LRRC49: variants seen among roughly 807,000 people sequenced by gnomAD.
LRRC49 encodes the protein leucine-rich repeat-containing protein 49.
Under a neutral mutation model 83.3 loss-of-function variants are expected in LRRC49, and 50 were observed. The observed-to-expected ratio is 0.60, with a 90% CI of 0.48 to 0.76. The LOEUF (loss-of-function observed/expected upper bound fraction) is 0.76, where lower values mean the gene tolerates loss of function less well. LRRC49 is among the 30% of genes least tolerant of loss of function. LRRC49 has a pLI of 0.00. For synonymous variants in LRRC49, 286 were observed against 283.3 expected, an observed-to-expected ratio of 1.01 and a Z score of -0.10; for missense variants, 704 against 809.1, an observed-to-expected ratio of 0.87 and a Z score of 1.58.
intron 1 of LRRC49, among the ~76,000 whole-genome samples, chr15:70,871,384 T>C (rs1382714862): frequency 6.6e-6 from 1 of 152,214 alleles, no homozygotes; most frequent in African/African-American, 2.4e-5. Flanking sequence ...ATCTGATCTC[T>C]CTTTCCTTTC....
intron 8 of LRRC49, among the ~76,000 whole-genome samples, chr15:70,962,465 C>T (rs1270471551): frequency 6.6e-6 from 1 of 152,074 alleles, no homozygotes; most frequent in African/African-American, 2.4e-5. Context: ...CACTTAGCCC[C>T]CAGATCTTTG....
At chr15:70,932,726 C>CTTTTTTTTTTTTTTTT in intron 7 of LRRC49, among the ~76,000 whole-genome samples, 1 of 97,202 alleles carries the variant, frequency 1.0e-5, no homozygotes, top group Non-Finnish European at 2.1e-5. Flanking sequence ...CTTTCTCTGT[C>CTTTTTTTTTTTTTTTT]TTTTTTTTTT....
chr15:70,879,616 T>A (rs945814562), intron 2 of LRRC49, among the ~76,000 whole-genome samples: 12 of 152,182 alleles, frequency 7.9e-5, no homozygotes, highest in Non-Finnish European at 2.9e-5. Flanking sequence ...TCATGATTAG[T>A]CAGAGATTTG....
intron 11 of LRRC49, among the ~76,000 whole-genome samples, chr15:70,992,983 A>C (rs2037942334): frequency 6.6e-6 from 1 of 152,206 alleles, no homozygotes; most frequent in Non-Finnish European, 1.5e-5. Context: ...GCAGAGGTGG[A>C]GTCTACAGAG....
intron 11 of LRRC49, among the ~76,000 whole-genome samples, chr15:71,003,179 C>A (rs2038328825): frequency 6.6e-6 from 1 of 151,992 alleles, no homozygotes; most frequent in African/African-American, 2.4e-5. Flanking sequence ...TTGTGATCCA[C>A]CCACCTCGGC....
intron 7 of LRRC49, among the ~76,000 whole-genome samples, chr15:70,923,525 G>A (rs770102456): frequency 2.1e-4 from 32 of 151,850 alleles, no homozygotes; most frequent in Non-Finnish European, 3.7e-4. Flanking sequence ...GCCAGGCATT[G>A]TTCTAGGTAG....
rs1424340546 is a variant in LRRC49 at position 71,026,857 on chromosome 15, G to A, written c.1704-10322G>A. Among the ~76,000 whole-genome samples, 9 of 151,928 alleles carry A rather than the reference G, an allele frequency of 5.9e-5. No individual in the cohort carries two copies. In the East Asian group the frequency reaches 1.7e-3, roughly 29 times the overall value. On this transcript the variant is annotated intron_variant, in intron 14 of 15. Transcript: ENST00000260382. ...CTGGATATTAGACCTTTGTCAGATGGGTCGCTTGCAAAAATTTTCTCCCAT... is the reference window on the plus strand; with the variant it reads ...CTGGATATTAGACCTTTGTCAGATGAGTCGCTTGCAAAAATTTTCTCCCAT...
intron 1 of LRRC49, among the ~76,000 whole-genome samples, chr15:70,862,308 G>A (rs534033161): frequency 7.2e-5 from 11 of 152,290 alleles, no homozygotes; most frequent in African/African-American, 2.6e-4. Context: ...GCCGGGCGCG[G>A]TGGCTCACGC....
intron 7 of LRRC49, among the ~76,000 whole-genome samples, chr15:70,922,112 T>C (rs553068433): frequency 2.0e-5 from 3 of 152,210 alleles, no homozygotes; most frequent in Non-Finnish European, 4.4e-5. Context: ...TGGAAAACAG[T>C]TTGGAGGTTC....
At chr15:70,974,974 C>T (rs1395832632) in intron 9 of LRRC49, among the ~76,000 whole-genome samples, 1 of 152,106 alleles carries the variant, frequency 6.6e-6, no homozygotes. Context: ...GACTTAGCAG[C>T]GTGTGTTAAA....
intron 2 of LRRC49, among the ~76,000 whole-genome samples, chr15:70,876,894 C>T (rs570885309): frequency 8.5e-5 from 13 of 152,202 alleles, no homozygotes; most frequent in African/African-American, 3.1e-4. Flanking sequence ...AAAGTTCATT[C>T]AGTGCCCAAA....
Position 71,008,623 on chromosome 15 carries a change from A to G in LRRC49, c.1407+7A>G, listed in dbSNP as rs535300816. On this transcript the variant is annotated splice_region_variant and intron_variant, in intron 12 of 15. Coordinates refer to ENST00000260382, the MANE Select transcript of LRRC49 (RefSeq NM_017691.5). ...TAAGTTTCCTAATTCTCTGGTAAAT[A>G]TTTCCTTTTAGTAGTATATTTGAAT... The G allele has an allele frequency of 6.6e-5, 105 of 1,590,722 alleles. 1 individual carries two copies. The South Asian group carries it at 1.1e-3, about 17-fold the overall frequency.
chr15:71,038,795 G>A (rs1352746083), intron 15 of LRRC49, among the ~76,000 whole-genome samples: 1 of 152,086 alleles, frequency 6.6e-6, no homozygotes, highest in Admixed American at 6.5e-5. Flanking sequence ...TTATGAAAAT[G>A]CTTCAAATAC....
chr15:70,882,948 C>A (rs1004604265), intron 2 of LRRC49: 1 of 1,604,210 alleles, frequency 6.2e-7, no homozygotes, highest in Non-Finnish European at 8.5e-7. Flanking sequence ...TTAAAGTGTA[C>A]CTTATAGGAT....
At position 71,049,779 on chromosome 15, in the gene LRRC49, A is replaced by G. The variant is rs1367675914; in HGVS notation, c.*167A>G. 1.8e-6 allele frequency: 1 copy of G among 558,794 alleles called. No homozygotes were observed. Among genetic ancestry groups the G allele is most frequent in the African/African-American group, 1.9e-5 (1 of 52,512 alleles). 34.6% of individuals were successfully genotyped at this position (558,794 alleles called of 1,614,324 possible). A position where few individuals can be genotyped will look rare whatever the true frequency, so the allele number is the denominator to read the frequency against. On this transcript the variant is annotated 3_prime_UTR_variant, in exon 16 of 16. Transcript: ENST00000260382. ...CATAGCTAAAAGTTAAGAAGGAAGG[A>G]AGGAAAGCAGGAGAAAGGAAGGATT...
At chr15:70,866,286 A>C (rs1015366161) in intron 1 of LRRC49, among the ~76,000 whole-genome samples, 1 of 152,016 alleles carries the variant, frequency 6.6e-6, no homozygotes. Flanking sequence ...TGCTGGGACT[A>C]CAGGCGTGTG....
intron 9 of LRRC49, among the ~76,000 whole-genome samples, chr15:70,978,522 G>C (rs2037286353): frequency 6.6e-6 from 1 of 152,326 alleles, no homozygotes; most frequent in Middle Eastern, 3.4e-3. Flanking sequence ...GATATGCAAA[G>C]ACACAAGAAT....
intron 9 of LRRC49, 72 bp downstream of exon 9, chr15:70,964,004 T>C: frequency 6.9e-7 from 1 of 1,444,320 alleles, no homozygotes; most frequent in Non-Finnish European, 9.4e-7. Flanking sequence ...ATGCATATTC[T>C]TTGCTTGAAA....
At chr15:70,971,285 T>C (rs1471241945) in intron 9 of LRRC49, among the ~76,000 whole-genome samples, 12 of 152,190 alleles carry the variant, frequency 7.9e-5, no homozygotes, top group Non-Finnish European at 1.8e-4. Context: ...TGTAGTTTTG[T>C]GGTTTTGAGT....
Sources: allele counts gnomAD v4.1 joint callset (sites outside exome capture counted in the v4.1 genomes callset), GRCh38; gene constraint gnomAD v4.1.1; transcripts MANE v1.5; gene names NCBI Gene and HGNC (gene_info 2026-07-23, HGNC 2026-07-21).